Variants in CHIC2 observed in about 807,000 individuals in gnomAD.
CHIC2 encodes the protein cysteine-rich hydrophobic domain-containing protein 2.
CHIC2 carries 14 observed loss-of-function variants against 25.9 expected under a neutral mutation model. The ratio of observed to expected loss-of-function variants is 0.54; its 90% CI spans 0.36 to 0.85. The LOEUF (loss-of-function observed/expected upper bound fraction) is 0.85. Ranked by LOEUF, CHIC2 falls within the 40% of genes least tolerant of loss-of-function variation. CHIC2 has a pLI of 0.01. For missense variants in CHIC2, 146 were observed against 202.0 expected, an observed-to-expected ratio of 0.72 and a Z score of 1.68; for synonymous variants, 70 against 72.0, an observed-to-expected ratio of 0.97 and a Z score of 0.14.
intron 3 of CHIC2, among the ~76,000 whole-genome samples, chr4:54,023,428 C>A (rs916743323): frequency 9.2e-5 from 14 of 152,168 alleles, no homozygotes; most frequent in African/African-American, 2.7e-4. Flanking sequence ...TGCTCCCCGG[C>A]TCCTTCAGCT....
At chr4:54,034,930 T>C (rs901615117) in intron 3 of CHIC2, among the ~76,000 whole-genome samples, 5 of 152,178 alleles carry the variant, frequency 3.3e-5, no homozygotes, top group Non-Finnish European at 7.3e-5. Context: ...GCTGTGAGAG[T>C]GTTAATCAAG....
At chr4:54,064,753 G>A, upstream of CHIC2, 1 of 660,644 alleles carries the variant, frequency 1.5e-6, no homozygotes, top group Non-Finnish European at 1.9e-6. The surrounding 1 kb of genome is among the most constrained non-coding windows in gnomAD (Gnocchi z 4.2). Context: ...GTGCGGCCTC[G>A]CGCGCTCCCA....
At chr4:54,063,255 T>C (rs529480973) in intron 1 of CHIC2, among the ~76,000 whole-genome samples, 140 of 152,342 alleles carry the variant, frequency 9.2e-4, no homozygotes, top group South Asian at 1.5e-3. Flanking sequence ...CTGACAAGTA[T>C]GGAAGTCTGA....
At chr4:54,056,419 G>A (rs1717178035) in intron 1 of CHIC2, among the ~76,000 whole-genome samples, 1 of 152,034 alleles carries the variant, frequency 6.6e-6, no homozygotes, top group Non-Finnish European at 1.5e-5. Flanking sequence ...AAAATATATG[G>A]TTGAATTGAT....
intron 3 of CHIC2, among the ~76,000 whole-genome samples, chr4:54,047,445 T>G (rs1244421745): frequency 1.3e-5 from 2 of 152,052 alleles, no homozygotes; most frequent in Non-Finnish European, 1.5e-5. Flanking sequence ...GTGGCACATA[T>G]ACACCATGGA....
intron 3 of CHIC2, among the ~76,000 whole-genome samples, chr4:54,032,634 T>G (rs890660979): frequency 2.0e-5 from 3 of 152,080 alleles, no homozygotes; most frequent in Non-Finnish European, 4.4e-5. Flanking sequence ...CCTGAAAATT[T>G]ATATACCTAA....
At chr4:54,016,909 GA>G (rs145569251) in intron 3 of CHIC2, among the ~76,000 whole-genome samples, 25,526 of 144,062 alleles carry the variant, frequency 0.18, 2,934 homozygotes, top group East Asian at 0.5. Flanking sequence ...AAATTAAATA[GA>G]AAAAAAAAAG....
intron 3 of CHIC2, among the ~76,000 whole-genome samples, chr4:54,037,617 A>C (rs938062280): frequency 6.6e-6 from 1 of 152,164 alleles, no homozygotes; most frequent in Non-Finnish European, 1.5e-5. Flanking sequence ...GTAAAATATA[A>C]ATAAAAGTTT....
chr4:54,072,409 A>G, the CHIC2 span, among the ~76,000 whole-genome samples: 1 of 152,172 alleles, frequency 6.6e-6, no homozygotes, highest in African/African-American at 2.4e-5. Context: ...CAATCTGGAG[A>G]TTACTACTAG....
chr4:54,015,738 G>A (rs974399697), intron 3 of CHIC2, among the ~76,000 whole-genome samples: 3 of 152,118 alleles, frequency 2.0e-5, no homozygotes, highest in Admixed American at 6.6e-5. Flanking sequence ...TGAATGTCTC[G>A]TCAATGACTT....
upstream of CHIC2, chr4:54,064,729 G>T (rs1717465219): frequency 6.8e-6 from 6 of 881,446 alleles, no homozygotes; most frequent in East Asian, 1.9e-4. This position sits in a 1 kb window ranked among gnomAD's most constrained non-coding sequence, Gnocchi z 4.2. Context: ...TGGCGGGCGG[G>T]CGGGCGCGCG....
chr4:54,035,645 T>C (rs1577973184), intron 3 of CHIC2, among the ~76,000 whole-genome samples: 1 of 152,312 alleles, frequency 6.6e-6, no homozygotes, highest in East Asian at 1.9e-4. Flanking sequence ...TAGAGATTTA[T>C]TAATTTTATT....
chr4:54,047,244 TTCC>T (rs1442990841), intron 3 of CHIC2, among the ~76,000 whole-genome samples: 3 of 152,304 alleles, frequency 2.0e-5, no homozygotes, highest in African/African-American at 7.2e-5. Flanking sequence ...AGTGTGGCGA[TTCC>T]TCAGGGATCT....
chr4:54,080,364 G>C, the CHIC2 span, among the ~76,000 whole-genome samples: 714 of 152,078 alleles, frequency 4.7e-3, 6 homozygotes, highest in African/African-American at 0.015. Context: ...GCAGAAAGTA[G>C]AATAGTGGTT....
the CHIC2 span, chr4:54,087,878 T>C: frequency 1.9e-3 from 533 of 273,836 alleles, 4 homozygotes; most frequent in African/African-American, 0.011. Context: ...TTCTTTAACA[T>C]TGTTAATGTA....
chr4:54,032,383 A>T (rs2110072219), intron 3 of CHIC2, among the ~76,000 whole-genome samples: 1 of 146,998 alleles, frequency 6.8e-6, no homozygotes, highest in African/African-American at 2.6e-5. Context: ...CTCCTGCCTC[A>T]GCCTGCCGAG....
intron 1 of CHIC2, among the ~76,000 whole-genome samples, chr4:54,061,785 G>A (rs1381499959): frequency 1.3e-5 from 2 of 152,020 alleles, no homozygotes; most frequent in South Asian, 2.1e-4. Flanking sequence ...CCACAAAACA[G>A]GTTAAGTTTT....
intron 1 of CHIC2, among the ~76,000 whole-genome samples, chr4:54,050,288 A>AC (rs1716966611): frequency 2.0e-5 from 3 of 152,132 alleles, no homozygotes; most frequent in Admixed American, 2.0e-4. Context: ...CCAACTTTAC[A>AC]CCTAAATCTA....
intron 3 of CHIC2, among the ~76,000 whole-genome samples, chr4:54,035,064 T>A (rs969301189): frequency 1.3e-5 from 2 of 152,246 alleles, no homozygotes; most frequent in Non-Finnish European, 2.9e-5. Flanking sequence ...AAACCAACCT[T>A]ACTTACCTTC....
Sources: allele counts gnomAD v4.1 joint callset (sites outside exome capture counted in the v4.1 genomes callset), GRCh38; gene constraint gnomAD v4.1.1; non-coding constraint Gnocchi (gnomAD v3.1); transcripts MANE v1.5; gene names NCBI Gene and HGNC (gene_info 2026-07-23, HGNC 2026-07-21).